Variants in MACROD2 observed in about 807,000 individuals in gnomAD.
MACROD2 encodes the protein ADP-ribose glycohydrolase MACROD2.
Under a neutral mutation model 70.4 loss-of-function variants are expected in MACROD2, and 36 were observed. The observed-to-expected ratio is 0.51, with a 90% CI of 0.39 to 0.68. MACROD2 has a LOEUF of 0.68. MACROD2 is among the 30% of genes least tolerant of loss of function. MACROD2 has a pLI of 0.00. For missense variants in MACROD2, 496 were observed against 538.4 expected (o/e 0.92, Z 0.78); for synonymous variants, 172 against 178.8 (o/e 0.96, Z 0.30).
chr20:15,743,023 C>A (rs1364747636), intron 8 of MACROD2, among the ~76,000 whole-genome samples: 1 of 152,136 alleles, frequency 6.6e-6, no homozygotes, highest in Non-Finnish European at 1.5e-5. Flanking sequence ...TCCAGTAAGA[C>A]TATTTATTAA....
chr20:15,866,106 G>T (rs1170312444), intron 9 of MACROD2, among the ~76,000 whole-genome samples: 1 of 152,160 alleles, frequency 6.6e-6, no homozygotes, highest in Non-Finnish European at 1.5e-5. Flanking sequence ...AACAACTTAT[G>T]TCAGGCCTAA....
At chr20:15,755,705 T>C (rs1186493598) in intron 8 of MACROD2, among the ~76,000 whole-genome samples, 1 of 152,204 alleles carries the variant, frequency 6.6e-6, no homozygotes, top group Non-Finnish European at 1.5e-5. Flanking sequence ...TTGATTATCA[T>C]GTACCCAACA....
chr20:15,461,555 T>G lies in MACROD2; in HGVS notation c.571+30120T>G, dbSNP rs140615929. Reference sequence around the variant, plus strand: ...TACAAGCTGGAGTACAGTGGACAAGTTAGTTAACTCTCTTTTAGCCTATTG... The same window carrying G: ...TACAAGCTGGAGTACAGTGGACAAGGTAGTTAACTCTCTTTTAGCCTATTG... On this transcript the variant is annotated intron_variant, in intron 7 of 17. Transcript: ENST00000684519. 2.6e-3 allele frequency among the ~76,000 whole-genome samples: 401 copies of G among 152,314 alleles called. 1 individual carries two copies. The highest frequency in any genetic ancestry group is 9.2e-3 in the African/African-American group (383 of 41,582).
intron 5 of MACROD2, among the ~76,000 whole-genome samples, chr20:15,209,115 G>GTGGTATTTATT (rs368782146): frequency 2.4e-4 from 36 of 147,176 alleles, no homozygotes; most frequent in South Asian, 6.6e-4. Context: ...GGTGGTGGTG[G>GTGGTATTTATT]TATTTATTTA....
chr20:14,953,937 A>G (rs180919680), intron 5 of MACROD2, among the ~76,000 whole-genome samples: 1 of 152,286 alleles, frequency 6.6e-6, no homozygotes, highest in Admixed American at 6.5e-5. Flanking sequence ...CTCAGTGTTG[A>G]GATGAGTGAG....
At chr20:14,818,550 A>T (rs920561017) in intron 5 of MACROD2, among the ~76,000 whole-genome samples, 6 of 152,098 alleles carry the variant, frequency 3.9e-5, no homozygotes, top group African/African-American at 1.2e-4. Context: ...ATTTTGACAC[A>T]TGAAGATTCC....
intron 3 of MACROD2, among the ~76,000 whole-genome samples, chr20:14,315,930 AATAT>A (rs1236041111): frequency 6.6e-6 from 1 of 152,232 alleles, no homozygotes; most frequent in Non-Finnish European, 1.5e-5. Flanking sequence ...GTGTACTCTG[AATAT>A]AACATAACAA....
chr20:15,456,901 C>A (rs545178437), intron 7 of MACROD2, among the ~76,000 whole-genome samples: 1 of 152,086 alleles, frequency 6.6e-6, no homozygotes, highest in African/African-American at 2.4e-5. Context: ...TTGGCTGTCC[C>A]TTCATGGGCT....
rs1450115599 is a variant in MACROD2, at chr20:14,215,115, CATATATATATTCCATCAT to C, written c.271+129410_271+129427del. On this transcript the variant is annotated intron_variant, in intron 3 of 17. Coordinates refer to ENST00000684519, the MANE Select transcript of MACROD2 (RefSeq NM_001351661.2). ...ATTCCATCATATATATCTATTCCAT[CATATATATATTCCATCAT>C]ATATATATATTCCATCATATATGTT... 4.1e-4 allele frequency among the ~76,000 whole-genome samples: 24 copies of C among 58,792 alleles called. No homozygotes were observed. In the East Asian group the frequency reaches 5.7e-3, roughly 14 times the overall value. 38.6% of individuals were successfully genotyped at this position (58,792 alleles called of 152,430 possible).
chr20:14,264,951 G>GGATC (rs1425368866), intron 3 of MACROD2, among the ~76,000 whole-genome samples: 2 of 152,220 alleles, frequency 1.3e-5, no homozygotes, highest in Admixed American at 6.5e-5. Context: ...AAGACTGGTT[G>GGATC]GATCAGCTGG....
Position 15,191,448 on chromosome 20 carries a change from G to C in MACROD2, c.419-38492G>C, listed in dbSNP as rs1363541291. Among the ~76,000 whole-genome samples the C allele has an allele frequency of 2.0e-5, 3 of 152,306 alleles. No individual in the cohort carries two copies. In the East Asian group the frequency reaches 5.8e-4, roughly 29 times the overall value. On this transcript the variant is annotated intron_variant, in intron 5 of 17. Transcript: ENST00000684519. Reference sequence around the variant, plus strand: ...CTCTTGACTGCAGTTATAGTGAAGAGGTGGGCCAAAGGGTGTGGCGTGGGG... The same window carrying C: ...CTCTTGACTGCAGTTATAGTGAAGACGTGGGCCAAAGGGTGTGGCGTGGGG...
rs779575045 is a variant in MACROD2 at position 14,026,199 on chromosome 20, G to A, written c.163+23795G>A. 7.9e-5 allele frequency among the ~76,000 whole-genome samples: 12 copies of A among 152,220 alleles called. 1 individual carries two copies. Among genetic ancestry groups the A allele is most frequent in the Non-Finnish European group, 7.4e-5 (5 of 68,026 alleles). ...TTATTTTTTTGCTTTCCATTTGCTC[G>A]TTAAATCTTCCTCCATCCTTTTGAG... On this transcript the variant is annotated intron_variant, in intron 2 of 17. Transcript: ENST00000684519.
chr20:15,567,091 C>A (rs1326283381), intron 8 of MACROD2, among the ~76,000 whole-genome samples: 2 of 137,136 alleles, frequency 1.5e-5, no homozygotes, highest in African/African-American at 5.2e-5. Flanking sequence ...TTTTAAATAA[C>A]TATTGTGGGG....
At position 14,788,880 on chromosome 20, in the gene MACROD2, T is replaced by G. The variant is rs146634851; in HGVS notation, c.418+103921T>G. On this transcript the variant is annotated intron_variant, in intron 5 of 17. Transcript: ENST00000684519. ...GCTTCCTGGGTTGAAGCAATTCCCC[T>G]GCCTCAGCCCCCTGAGTAGCTAGGA... 3.3e-3 allele frequency among the ~76,000 whole-genome samples: 487 copies of G among 146,764 alleles called. 4 individuals are homozygous for G. Among genetic ancestry groups the G allele is most frequent in the African/African-American group, 0.012 (464 of 40,018 alleles).
At chr20:15,139,391 G>C (rs439381) in intron 5 of MACROD2, among the ~76,000 whole-genome samples, 90,663 of 151,870 alleles carry the variant, frequency 0.6, 27,180 homozygotes, top group East Asian at 0.62. Context: ...TGGTGGGGGG[G>C]TGTCGTAGGG....
At chr20:14,704,899 G>A (rs570378571) in intron 5 of MACROD2, among the ~76,000 whole-genome samples, 27 of 152,180 alleles carry the variant, frequency 1.8e-4, no homozygotes, top group Admixed American at 1.1e-3. Context: ...GAGACAGCTA[G>A]GTGTTAGCTG....
At chr20:15,493,446 C>T (rs907064459) in intron 7 of MACROD2, among the ~76,000 whole-genome samples, 4 of 152,042 alleles carry the variant, frequency 2.6e-5, no homozygotes, top group Non-Finnish European at 5.9e-5. Flanking sequence ...TAATCTATAG[C>T]CCCAAATAGA....
Position 15,168,440 on chromosome 20 carries a change from GATGT to G in MACROD2, c.419-61499_419-61496del, listed in dbSNP as rs758720730. Among the ~76,000 whole-genome samples the G allele has an allele frequency of 5.7e-5, 6 of 105,420 alleles. 1 individual carries two copies. The highest frequency in any genetic ancestry group is 6.1e-4 in the East Asian group (2 of 3,292). The allele number at this position is 105,420 out of a possible 152,430, so 69.2% of individuals were successfully genotyped here. On this transcript the variant is annotated intron_variant, in intron 5 of 17. Transcript: ENST00000684519. Reference sequence around the variant, plus strand: ...GCCTCTTCCTCTCTCCACATTGTGGGATGTGTGTGTGTGTGTGTGTGTGTGTGTG... The same window carrying G: ...GCCTCTTCCTCTCTCCACATTGTGGGGTGTGTGTGTGTGTGTGTGTGTGTG...
intron 5 of MACROD2, among the ~76,000 whole-genome samples, chr20:15,014,442 G>A (rs1600948230): frequency 2.0e-5 from 3 of 152,046 alleles, no homozygotes; most frequent in Admixed American, 6.5e-5. Context: ...TTTTCCCCAC[G>A]TGAAATCTAT....
Sources: allele counts gnomAD v4.1 joint callset (sites outside exome capture counted in the v4.1 genomes callset), GRCh38; gene constraint gnomAD v4.1.1; transcripts MANE v1.5; gene names NCBI Gene and HGNC (gene_info 2026-07-23, HGNC 2026-07-21).